SORCS2: variants seen among roughly 807,000 people sequenced by gnomAD.
SORCS2 encodes the protein VPS10 domain-containing receptor SorCS2.
A neutral mutation model predicts 141.6 loss-of-function variants in SORCS2; 100 were observed. The ratio of observed to expected loss-of-function variants is 0.71; its 90% CI spans 0.60 to 0.83. The LOEUF is 0.83. SORCS2 is among the 40% of genes least tolerant of loss of function. SORCS2 has a pLI of 0.00. For synonymous variants in SORCS2, 789 were observed against 676.9 expected (o/e 1.17, Z -2.57); for missense variants, 1,646 against 1,560.2 (o/e 1.05, Z -0.93).
At chr4:7,350,491 A>G (rs1478817653) in intron 1 of SORCS2, among the ~76,000 whole-genome samples, 1 of 152,208 alleles carries the variant, frequency 6.6e-6, no homozygotes, top group Middle Eastern at 3.2e-3. Flanking sequence ...GCTAGATGGG[A>G]CACTCCCAAA....
intron 1 of SORCS2, among the ~76,000 whole-genome samples, chr4:7,206,379 G>A (rs1727742517): frequency 6.6e-6 from 1 of 152,200 alleles, no homozygotes; most frequent in Admixed American, 6.5e-5. Flanking sequence ...CATGGATCCT[G>A]AAGCTCAGAG....
At chr4:7,524,690 G>A (rs533987742) in intron 2 of SORCS2, among the ~76,000 whole-genome samples, 17 of 152,118 alleles carry the variant, frequency 1.1e-4, no homozygotes, top group African/African-American at 3.9e-4. Context: ...AAGGAAGTGG[G>A]GTGCGGCAGT....
intron 3 of SORCS2, among the ~76,000 whole-genome samples, chr4:7,622,944 C>T (rs73090872): frequency 0.19 from 28,790 of 151,958 alleles, 2,789 homozygotes; most frequent in East Asian, 0.27. Context: ...CTCTGGGGTC[C>T]GCCCTGTCCA....
At chr4:7,397,651 C>T (rs758385570) in intron 2 of SORCS2, among the ~76,000 whole-genome samples, 1 of 152,166 alleles carries the variant, frequency 6.6e-6, no homozygotes, top group Non-Finnish European at 1.5e-5. Context: ...CTGGGCTCAG[C>T]AGTGTTCACT....
intron 3 of SORCS2, among the ~76,000 whole-genome samples, chr4:7,637,977 C>T (rs1365510243): frequency 6.6e-6 from 1 of 151,914 alleles, no homozygotes; most frequent in African/African-American, 2.4e-5. Flanking sequence ...AATGAACAGA[C>T]GAATGAGTGA....
chr4:7,657,031 C>T (rs992350785), intron 5 of SORCS2, among the ~76,000 whole-genome samples: 10 of 152,216 alleles, frequency 6.6e-5, no homozygotes, highest in Non-Finnish European at 1.0e-4. Context: ...CCATTTCCTG[C>T]GGGGAGTGGG....
At chr4:7,314,264 G>A (rs1477436817) in intron 1 of SORCS2, among the ~76,000 whole-genome samples, 2 of 152,158 alleles carry the variant, frequency 1.3e-5, no homozygotes, top group Non-Finnish European at 2.9e-5. Flanking sequence ...AGCGGGATGC[G>A]ACATGCAGGG....
intron 3 of SORCS2, among the ~76,000 whole-genome samples, chr4:7,574,033 G>A (rs981640784): frequency 2.6e-5 from 4 of 152,210 alleles, no homozygotes; most frequent in Admixed American, 2.0e-4. Context: ...GTCTAGAACC[G>A]TCCCCTCCTC....
chr4:7,482,818 C>T (rs1054488288), intron 2 of SORCS2, among the ~76,000 whole-genome samples: 27 of 149,130 alleles, frequency 1.8e-4, no homozygotes, highest in African/African-American at 6.1e-4. Flanking sequence ...ATCCCCACTG[C>T]GGACACCCCT....
At chr4:7,398,171 G>A (rs1465591510) in intron 2 of SORCS2, among the ~76,000 whole-genome samples, 1 of 152,206 alleles carries the variant, frequency 6.6e-6, no homozygotes, top group Non-Finnish European at 1.5e-5. Flanking sequence ...TGGGGGTGGG[G>A]TGGGACTGAC....
chr4:7,480,499 G>T (rs946766143), intron 2 of SORCS2, among the ~76,000 whole-genome samples: 1 of 152,206 alleles, frequency 6.6e-6, no homozygotes, highest in African/African-American at 2.4e-5. Flanking sequence ...TGGGCAGCGT[G>T]CTGGGAGTGC....
intron 2 of SORCS2, among the ~76,000 whole-genome samples, chr4:7,520,071 C>A (rs1343221209): frequency 2.0e-5 from 3 of 152,178 alleles, no homozygotes; most frequent in Non-Finnish European, 2.9e-5. Flanking sequence ...GTGATGAGGG[C>A]CCTTGGGGGC....
intron 1 of SORCS2, among the ~76,000 whole-genome samples, chr4:7,212,670 C>T (rs1266477133): frequency 6.6e-6 from 1 of 152,248 alleles, no homozygotes. Context: ...GAGCTGAGGC[C>T]CCCTGGCCTA....
rs76652350 is a variant in SORCS2 at position 7,636,075 on chromosome 4, C to A, written c.649-2253C>A. The stretch of plus-strand genomic sequence containing the variant: ...GTCGCCTCGTGCCATTGCCCACTGC[C>A]CTCCCCAGGAAAGCTGTGCTCATCT... On this transcript the variant is annotated intron_variant, in intron 3 of 26. Transcript: ENST00000507866. 2.6e-4 allele frequency among the ~76,000 whole-genome samples: 39 copies of A among 152,320 alleles called. No homozygotes were observed. The East Asian group carries it at 6.4e-3, about 25-fold the overall frequency.
At chr4:7,734,747 G>A (rs939081111) in intron 25 of SORCS2, among the ~76,000 whole-genome samples, 5 of 152,320 alleles carry the variant, frequency 3.3e-5, no homozygotes, top group East Asian at 1.9e-4. Context: ...AACACAGACG[G>A]CCAGCCTCAG....
intron 1 of SORCS2, among the ~76,000 whole-genome samples, chr4:7,212,058 A>G (rs1432525585): frequency 1.3e-5 from 2 of 152,116 alleles, no homozygotes; most frequent in Non-Finnish European, 2.9e-5. Context: ...GTCCCTGTTG[A>G]TACAGAGGAT....
intron 2 of SORCS2, among the ~76,000 whole-genome samples, chr4:7,415,490 C>T (rs1158362779): frequency 6.6e-6 from 1 of 152,172 alleles, no homozygotes; most frequent in Non-Finnish European, 1.5e-5. Context: ...AAGGTTCTGC[C>T]TTTTAGGGAC....
intron 17 of SORCS2, among the ~76,000 whole-genome samples, chr4:7,715,721 C>A (rs1482518477): frequency 6.6e-6 from 1 of 152,218 alleles, no homozygotes; most frequent in African/African-American, 2.4e-5. Flanking sequence ...GACCCTTCTC[C>A]ATTTACCGGT....
chr4:7,567,696 C>G (rs1158243129), intron 3 of SORCS2, among the ~76,000 whole-genome samples: 1 of 152,208 alleles, frequency 6.6e-6, no homozygotes. Context: ...AAGAAGGTTG[C>G]TATGGGCAGC....
Sources: gnomAD v4.1 joint callset for allele counts (sites outside exome capture counted in the v4.1 genomes callset) on GRCh38, gnomAD v4.1.1 for gene constraint, MANE v1.5 for transcripts, NCBI Gene and HGNC (gene_info 2026-07-23, HGNC 2026-07-21) for gene names.